Variants in ERI3 observed in about 807,000 individuals in gnomAD.
ERI3 encodes ERI1 exoribonuclease family member 3, also known as ERI1 exoribonuclease 3.
In ERI3, 18 loss-of-function variants were observed where a neutral mutation model predicts 44.4. The ratio of observed to expected loss-of-function variants is 0.41; its 90% CI spans 0.28 to 0.60. The LOEUF is 0.60. ERI3 is among the 20% of genes least tolerant of loss of function. ERI3 has a pLI of 0.36. For synonymous variants in ERI3, 183 were observed against 164.8 expected (o/e 1.11, Z -0.84); for missense variants, 294 against 435.5 (o/e 0.68, Z 2.89).
At chr1:44,351,756 A>C (rs1195016033) in intron 2 of ERI3, among the ~76,000 whole-genome samples, 1 of 151,358 alleles carries the variant, frequency 6.6e-6, no homozygotes, top group Non-Finnish European at 1.5e-5. Context: ...ACCACTAAGT[A>C]CTCTGTTTCA....
At position 44,241,759 on chromosome 1, in the gene ERI3, G is replaced by A. The variant is rs901700236; in HGVS notation, c.931+6180C>T. On this transcript the variant is annotated intron_variant, in intron 8 of 8. Coordinates refer to ENST00000372257, the MANE Select transcript of ERI3 (RefSeq NM_024066.3). The surrounding 1 kb of genome is among the most constrained non-coding windows in gnomAD (Gnocchi z 5.6). ...GAGGCCGGGGCCTGGGGCTAGGAAG[G>A]TGGGGAAACAAAGATTGTACTTCCT... Among the ~76,000 whole-genome samples, 1 of 152,146 alleles carries A rather than the reference G, an allele frequency of 6.6e-6. No individual in the cohort carries two copies. Among genetic ancestry groups the A allele is most frequent in the Non-Finnish European group, 1.5e-5 (1 of 68,030 alleles).
rs981420518 is a variant in ERI3 at position 44,348,427 on chromosome 1, C to A, written c.211+4423G>T. On this transcript the variant is annotated intron_variant, in intron 2 of 8. Transcript: ENST00000372257. ...CAAGGACACAGAGGGTCTGAACAGG[C>A]ATACTAATGGCCTCCTGAGGTGCCA... Among the ~76,000 whole-genome samples the A allele has an allele frequency of 2.6e-5, 4 of 152,212 alleles. No individual in the cohort carries two copies. In the South Asian group the frequency reaches 8.3e-4, roughly 31 times the overall value.
chr1:44,238,310 G>C (rs1484820617), intron 8 of ERI3, among the ~76,000 whole-genome samples: 2 of 152,112 alleles, frequency 1.3e-5, no homozygotes, highest in Non-Finnish European at 2.9e-5. Context: ...AGGCAGCCGC[G>C]GGGCCAGGGG....
rs960812312 is a variant in ERI3, at chr1:44,353,629, C to T, written c.136-704G>A. On this transcript the variant is annotated intron_variant, in intron 1 of 8. Transcript: ENST00000372257. ...GAAAAGGCCACTCACCAATTTACCCCACCACAAAGAAAACACTTTTTAAAA... is the reference window on the plus strand; with the variant it reads ...GAAAAGGCCACTCACCAATTTACCCTACCACAAAGAAAACACTTTTTAAAA... The T allele has an allele frequency of 9.1e-6, 9 of 985,276 alleles. No homozygotes were observed. The African/African-American group carries it at 1.4e-4, about 15-fold the overall frequency. 61.0% of individuals were successfully genotyped at this position (985,276 alleles called of 1,614,324 possible). A position where few individuals can be genotyped will look rare whatever the true frequency, so the allele number is the denominator to read the frequency against.
chr1:44,338,480 G>C (rs1180107887), intron 3 of ERI3, among the ~76,000 whole-genome samples: 2 of 152,180 alleles, frequency 1.3e-5, no homozygotes, highest in East Asian at 3.9e-4. Flanking sequence ...CTCTCCACAG[G>C]GCTGCTTGAG....
intron 4 of ERI3, among the ~76,000 whole-genome samples, chr1:44,313,740 A>G (rs1345033299): frequency 6.6e-6 from 1 of 152,034 alleles, no homozygotes; most frequent in African/African-American, 2.4e-5. Flanking sequence ...ACTCTCCCTA[A>G]CACCTTCCCT....
At chr1:44,352,948 G>C in intron 1 of ERI3, 23 bp from the exon 2 acceptor site, 1 of 1,613,718 alleles carries the variant, frequency 6.2e-7, no homozygotes, top group Non-Finnish European at 8.5e-7. Context: ...ACACATCTCT[G>C]CAACAAGTCT....
intron 6 of ERI3, among the ~76,000 whole-genome samples, chr1:44,288,128 G>C (rs1645432124): frequency 7.2e-6 from 1 of 139,028 alleles, no homozygotes; most frequent in Non-Finnish European, 1.6e-5. Context: ...ACCTATCCCA[G>C]AGGGGCCACA....
chr1:44,332,645 A>G (rs1456633872), intron 3 of ERI3, among the ~76,000 whole-genome samples: 3 of 152,242 alleles, frequency 2.0e-5, no homozygotes, highest in African/African-American at 7.2e-5. Context: ...CTACATTGCT[A>G]TGTCTGCTCC....
chr1:44,273,458 C>G (rs1645125671), intron 7 of ERI3, among the ~76,000 whole-genome samples: 1 of 152,224 alleles, frequency 6.6e-6, no homozygotes, highest in Non-Finnish European at 1.5e-5. Flanking sequence ...GTTTATTTGT[C>G]TGGGAATTCC....
intron 8 of ERI3, among the ~76,000 whole-genome samples, chr1:44,222,754 A>C (rs1358040121): frequency 6.6e-6 from 1 of 152,154 alleles, no homozygotes; most frequent in Non-Finnish European, 1.5e-5. Flanking sequence ...CCTCCCTTAG[A>C]TGCTCCTGGG....
At chr1:44,257,334 G>C (rs1644802816) in intron 7 of ERI3, among the ~76,000 whole-genome samples, 2 of 144,874 alleles carry the variant, frequency 1.4e-5, no homozygotes, top group Admixed American at 1.4e-4. Context: ...CCCCATCCTA[G>C]CTCCCCCAGA....
intron 8 of ERI3, chr1:44,242,076 A>C (rs1305297927): frequency 1.0e-6 from 1 of 985,460 alleles, no homozygotes; most frequent in Non-Finnish European, 1.2e-6. Flanking sequence ...AGGCCAGTGC[A>C]GACCCTGTCA....
chr1:44,262,401 G>A (rs1047402785), intron 7 of ERI3, among the ~76,000 whole-genome samples: 15 of 152,226 alleles, frequency 9.9e-5, no homozygotes, highest in African/African-American at 3.6e-4. Flanking sequence ...GGCTCTGGAA[G>A]GCAACACCAT....
rs540222193 is a variant in ERI3 at position 44,324,549 on chromosome 1, T to C, written c.490-4805A>G. 3.2e-4 allele frequency among the ~76,000 whole-genome samples: 47 copies of C among 148,060 alleles called. 1 individual carries two copies. The South Asian group carries it at 0.01, about 32-fold the overall frequency. ...CAGGCTGGGTTGCAGTGGCGAGATC[T>C]TGGCTCACTGCAAGCTCTGCCTCCC... On this transcript the variant is annotated intron_variant, in intron 3 of 8. Coordinates refer to ENST00000372257, the MANE Select transcript of ERI3 (RefSeq NM_024066.3).
At chr1:44,238,416 C>T (rs904199368) in intron 8 of ERI3, among the ~76,000 whole-genome samples, 2 of 152,158 alleles carry the variant, frequency 1.3e-5, no homozygotes, top group Admixed American at 6.5e-5. Context: ...GGCTAGATCC[C>T]GCCTAGCAGT....
At chr1:44,300,995 C>T (rs931675078) in intron 6 of ERI3, among the ~76,000 whole-genome samples, 10 of 145,678 alleles carry the variant, frequency 6.9e-5, no homozygotes, top group African/African-American at 2.5e-4. Context: ...TCATTAGAGG[C>T]AAGCCTGCCA....
rs528618167 is a variant in ERI3 at position 44,260,059 on chromosome 1, A to T, written c.832-12021T>A. 1.0e-3 allele frequency among the ~76,000 whole-genome samples: 152 copies of T among 152,332 alleles called. 1 individual carries two copies. Among genetic ancestry groups the T allele is most frequent in the Non-Finnish European group, 1.9e-3 (126 of 68,028 alleles). On this transcript the variant is annotated intron_variant, in intron 7 of 8. Coordinates refer to ENST00000372257, the MANE Select transcript of ERI3 (RefSeq NM_024066.3). ...CCTTCTAGATTTTCCATCTAGAAGG[A>T]GAGGAAGAAAGTACACAAGCATTCA...
At chr1:44,284,030 GGT>G (rs1216904503) in intron 7 of ERI3, 2 of 471,006 alleles carry the variant, frequency 4.2e-6, no homozygotes, top group Non-Finnish European at 8.8e-6. Context: ...TCCTCTGACT[GGT>G]AGCATGAGGT....
Sources: allele counts gnomAD v4.1 joint callset (sites outside exome capture counted in the v4.1 genomes callset), GRCh38; gene constraint gnomAD v4.1.1; non-coding constraint Gnocchi (gnomAD v3.1); transcripts MANE v1.5; gene names NCBI Gene and HGNC (gene_info 2026-07-23, HGNC 2026-07-21).